Variants in RABGAP1L observed in about 807,000 individuals in gnomAD.
The protein encoded by RABGAP1L is rab GTPase-activating protein 1-like.
A neutral mutation model predicts 137.7 loss-of-function variants in RABGAP1L; 63 were observed. That is an observed-to-expected ratio of 0.46 (90% CI 0.37 to 0.56). RABGAP1L has a LOEUF of 0.56. RABGAP1L is among the 20% of genes least tolerant of loss of function. RABGAP1L has a pLI of 0.00. For synonymous variants in RABGAP1L, 431 were observed against 433.7 expected, an observed-to-expected ratio of 0.99 and a Z score of 0.08; for missense variants, 1,095 against 1,244.0, an observed-to-expected ratio of 0.88 and a Z score of 1.80.
At chr1:174,249,700 C>T (rs573541412) in intron 5 of RABGAP1L, among the ~76,000 whole-genome samples, 3 of 148,126 alleles carry the variant, frequency 2.0e-5, no homozygotes, top group East Asian at 2.0e-4. Context: ...GGCTGGAGTG[C>T]GGTGGTGCAA....
chr1:174,941,161 C>T (rs1448572451), intron 19 of RABGAP1L, among the ~76,000 whole-genome samples: 1 of 152,194 alleles, frequency 6.6e-6, no homozygotes, highest in Non-Finnish European at 1.5e-5. Context: ...AACTTCTTGT[C>T]CCTCCCTATA....
At chr1:174,584,840 T>G (rs1363743459) in intron 13 of RABGAP1L, among the ~76,000 whole-genome samples, 4 of 43,228 alleles carry the variant, frequency 9.3e-5, no homozygotes, top group African/African-American at 4.1e-4. Flanking sequence ...GTGTATGTGT[T>G]TTTTTTTTTA....
intron 13 of RABGAP1L, among the ~76,000 whole-genome samples, chr1:174,502,736 ATATT>A (rs1558289126): frequency 6.6e-6 from 1 of 151,526 alleles, no homozygotes; most frequent in East Asian, 1.9e-4. Flanking sequence ...ACACATATAT[ATATT>A]TATATTCCAG....
chr1:174,871,455 A>G (rs1328891553), intron 19 of RABGAP1L, among the ~76,000 whole-genome samples: 1 of 152,214 alleles, frequency 6.6e-6, no homozygotes, highest in South Asian at 2.1e-4. Context: ...TAAAATAAAT[A>G]AAGATTTAAT....
At chr1:174,876,891 AT>A (rs1014414048) in intron 19 of RABGAP1L, among the ~76,000 whole-genome samples, 14 of 150,144 alleles carry the variant, frequency 9.3e-5, no homozygotes, top group South Asian at 4.2e-4. Flanking sequence ...AGAGGGGAAA[AT>A]TTTTTTTTTC....
chr1:174,636,989 A>T (rs988292748), intron 13 of RABGAP1L, among the ~76,000 whole-genome samples: 1 of 152,218 alleles, frequency 6.6e-6, no homozygotes, highest in East Asian at 1.9e-4. Context: ...CCTTATTTTT[A>T]AAAAGTAACC....
intron 11 of RABGAP1L, among the ~76,000 whole-genome samples, chr1:174,305,777 T>TA (rs1558117334): frequency 8.6e-5 from 13 of 151,900 alleles, no homozygotes; most frequent in African/African-American, 3.1e-4. Flanking sequence ...ATATATATAT[T>TA]TTTAATACTT....
At chr1:174,675,215 G>A (rs980420123) in intron 14 of RABGAP1L, among the ~76,000 whole-genome samples, 1 of 152,088 alleles carries the variant, frequency 6.6e-6, no homozygotes, top group Admixed American at 6.6e-5. Context: ...GGTTTTTATG[G>A]TTTTAGGTCT....
rs565598727 is a variant in RABGAP1L, at chr1:174,800,191, A to C, written c.2212-11641A>C. On this transcript the variant is annotated intron_variant, in intron 18 of 25. Transcript: ENST00000681986. ...TTTAGCCAAAATGTTTTTCTTGTGG[A>C]GACATTAGCTGACAATTCCCACCAC... 179 of 1,393,742 alleles carry C rather than the reference A, an allele frequency of 1.3e-4. 1 individual carries two copies. In the South Asian group the frequency reaches 3.0e-3, roughly 23 times the overall value. The allele number at this position is 1,393,742 out of a possible 1,614,324, so 86.3% of individuals were successfully genotyped here.
chr1:174,190,183 G>T (rs1013759074), intron 1 of RABGAP1L, among the ~76,000 whole-genome samples: 1 of 151,824 alleles, frequency 6.6e-6, no homozygotes, highest in Middle Eastern at 3.2e-3. Context: ...TGCACCTGTA[G>T]TCCCAGCTAC....
chr1:174,378,471 T>C (rs1176763278), intron 12 of RABGAP1L, among the ~76,000 whole-genome samples: 44 of 151,514 alleles, frequency 2.9e-4, no homozygotes, highest in African/African-American at 8.7e-4. Context: ...TTTTAATGAT[T>C]GCCATTCTGA....
intron 13 of RABGAP1L, among the ~76,000 whole-genome samples, chr1:174,629,803 C>T (rs1157725376): frequency 3.3e-5 from 5 of 152,134 alleles, no homozygotes; most frequent in Non-Finnish European, 5.9e-5. Context: ...GGATTACAGG[C>T]GTGAGCCATC....
intron 21 of RABGAP1L, among the ~76,000 whole-genome samples, chr1:174,975,811 C>T (rs1670597037): frequency 6.6e-6 from 1 of 152,144 alleles, no homozygotes. Flanking sequence ...TGACCCCAGA[C>T]AGTTTGTTGG....
At chr1:174,739,540 A>G (rs1167418727) in intron 17 of RABGAP1L, among the ~76,000 whole-genome samples, 1 of 152,202 alleles carries the variant, frequency 6.6e-6, no homozygotes, top group Non-Finnish European at 1.5e-5. Flanking sequence ...TCTTAAAAAT[A>G]CAAGTGACCA....
chr1:174,861,069 T>A (rs1263619717), intron 19 of RABGAP1L, among the ~76,000 whole-genome samples: 1 of 152,172 alleles, frequency 6.6e-6, no homozygotes, highest in Non-Finnish European at 1.5e-5. Flanking sequence ...TAACTGAAAT[T>A]TGGGCCCTTT....
chr1:174,206,532 G>GTC (rs1453136081), intron 1 of RABGAP1L, among the ~76,000 whole-genome samples: 1 of 152,106 alleles, frequency 6.6e-6, no homozygotes, highest in East Asian at 1.9e-4. Context: ...ATCTCCTACA[G>GTC]TCATTCTAAT....
rs1483090037 is a variant in RABGAP1L, at chr1:174,917,447, A to T, written c.2341-40010A>T. ...AGACACTGTTATGGCGATTGCAAAGACTGCCTTTAGTGAGATTTCCAGAAT... is the reference window on the plus strand; with the variant it reads ...AGACACTGTTATGGCGATTGCAAAGTCTGCCTTTAGTGAGATTTCCAGAAT... On this transcript the variant is annotated intron_variant, in intron 19 of 25. Coordinates refer to ENST00000681986, the MANE Select transcript of RABGAP1L (RefSeq NM_001366446.1). 2.6e-5 allele frequency among the ~76,000 whole-genome samples: 4 copies of T among 152,288 alleles called. No individual in the cohort carries two copies. The East Asian group carries it at 7.7e-4, about 29-fold the overall frequency.
intron 13 of RABGAP1L, among the ~76,000 whole-genome samples, chr1:174,467,952 A>G (rs987936813): frequency 6.6e-6 from 1 of 152,160 alleles, no homozygotes; most frequent in Non-Finnish European, 1.5e-5. Context: ...TTCCCTCAAT[A>G]GGAAAACGTT....
chr1:174,206,041 G>C (rs901313057), intron 1 of RABGAP1L, among the ~76,000 whole-genome samples: 1 of 152,090 alleles, frequency 6.6e-6, no homozygotes, highest in Non-Finnish European at 1.5e-5. Flanking sequence ...CTCTCTCACT[G>C]CACACTGTCA....
Sources: gnomAD v4.1 joint callset for allele counts (sites outside exome capture counted in the v4.1 genomes callset) on GRCh38, gnomAD v4.1.1 for gene constraint, MANE v1.5 for transcripts, NCBI Gene and HGNC (gene_info 2026-07-23, HGNC 2026-07-21) for gene names.